Variants in PPP2R3A observed in about 807,000 individuals in gnomAD.
The protein encoded by PPP2R3A is serine/threonine-protein phosphatase 2A regulatory subunit B'' subunit alpha.
PPP2R3A carries 80 observed loss-of-function variants against 106.9 expected under a neutral mutation model. The ratio of observed to expected loss-of-function variants is 0.75; its 90% CI spans 0.62 to 0.90. PPP2R3A has a LOEUF of 0.90. Ranked by LOEUF, PPP2R3A falls within the 40% of genes least tolerant of loss-of-function variation. The pLI, the probability that PPP2R3A is intolerant of heterozygous loss-of-function variation, is 0.00. For missense variants in PPP2R3A, 1,386 were observed against 1,350.4 expected (o/e 1.03, Z -0.41); for synonymous variants, 483 against 468.3 (o/e 1.03, Z -0.41).
At chr3:136,025,749 C>T (rs1195146713) in intron 2 of PPP2R3A, among the ~76,000 whole-genome samples, 1 of 151,940 alleles carries the variant, frequency 6.6e-6, no homozygotes, top group East Asian at 1.9e-4. Context: ...TTCATAATAC[C>T]TATACAATGT....
chr3:136,047,495 A>G (rs58503058), intron 4 of PPP2R3A, among the ~76,000 whole-genome samples: 1,562 of 152,338 alleles, frequency 0.01, 25 homozygotes, highest in African/African-American at 0.037. Context: ...CTTTGTAGCA[A>G]CATGGATGCA....
intron 1 of PPP2R3A, among the ~76,000 whole-genome samples, chr3:135,981,549 G>T (rs552113907): frequency 1.3e-5 from 2 of 151,824 alleles, no homozygotes; most frequent in Non-Finnish European, 2.9e-5. Flanking sequence ...TTAGCAATTT[G>T]CCTTCCTCCT....
chr3:136,015,456 TG>T (rs1934236283), intron 2 of PPP2R3A, among the ~76,000 whole-genome samples: 1 of 152,058 alleles, frequency 6.6e-6, no homozygotes, highest in African/African-American at 2.4e-5. Context: ...GACTTTTTTT[TG>T]TTGGCAATTT....
At chr3:136,085,212 G>A (rs892148323) in intron 8 of PPP2R3A, among the ~76,000 whole-genome samples, 1 of 152,062 alleles carries the variant, frequency 6.6e-6, no homozygotes, top group African/African-American at 2.4e-5. Flanking sequence ...TTGAGTCATG[G>A]GGGCGGGTCT....
intron 5 of PPP2R3A, among the ~76,000 whole-genome samples, chr3:136,054,996 A>T (rs1935813518): frequency 6.6e-6 from 1 of 152,224 alleles, no homozygotes; most frequent in Admixed American, 6.5e-5. Context: ...AAAGCAGAAA[A>T]CACTGATTTA....
intron 3 of PPP2R3A, among the ~76,000 whole-genome samples, chr3:136,039,789 GAGAA>G (rs762995062): frequency 2.0e-5 from 3 of 152,128 alleles, no homozygotes; most frequent in Admixed American, 1.3e-4. Flanking sequence ...TTACTCTCAT[GAGAA>G]AGAGAGTTCT....
At chr3:136,058,300 T>C (rs1935947858) in intron 5 of PPP2R3A, among the ~76,000 whole-genome samples, 1 of 152,186 alleles carries the variant, frequency 6.6e-6, no homozygotes, top group Non-Finnish European at 1.5e-5. Context: ...CTTCTTAAGC[T>C]GATAAACAAC....
intron 5 of PPP2R3A, among the ~76,000 whole-genome samples, chr3:136,049,648 C>G (rs533806076): frequency 1.3e-5 from 2 of 152,316 alleles, no homozygotes; most frequent in East Asian, 3.9e-4. Flanking sequence ...CATCCTCCCC[C>G]TTGCCCACCC....
intron 13 of PPP2R3A, among the ~76,000 whole-genome samples, chr3:136,109,000 G>A (rs1226334356): frequency 1.3e-5 from 2 of 152,028 alleles, no homozygotes; most frequent in South Asian, 2.1e-4. Flanking sequence ...ATAAAAAGCC[G>A]GAAATGAGCA....
intron 5 of PPP2R3A, chr3:136,055,050 T>A (rs1175547399): frequency 6.4e-6 from 2 of 313,686 alleles, no homozygotes; most frequent in Non-Finnish European, 1.2e-5. Context: ...TAAAAGTTAA[T>A]GTTTATAAAC....
intron 10 of PPP2R3A, among the ~76,000 whole-genome samples, chr3:136,095,633 G>A (rs576529839): frequency 2.8e-4 from 43 of 152,282 alleles, no homozygotes; most frequent in Admixed American, 2.8e-3. Flanking sequence ...CAAGTAGGCT[G>A]TAGACTCCCT....
At chr3:136,103,937 G>C (rs1365817513) in intron 12 of PPP2R3A, among the ~76,000 whole-genome samples, 1 of 152,116 alleles carries the variant, frequency 6.6e-6, no homozygotes, top group Non-Finnish European at 1.5e-5. Context: ...CAAACCTGTG[G>C]ACCCTCAGAA....
chr3:136,024,341 A>G (rs1934575213), intron 2 of PPP2R3A, among the ~76,000 whole-genome samples: 1 of 152,146 alleles, frequency 6.6e-6, no homozygotes, highest in African/African-American at 2.4e-5. Context: ...GTAGAACTCA[A>G]TAGAAAGTAA....
At chr3:136,070,630 G>T in intron 6 of PPP2R3A, 78 bp downstream of exon 6, 1 of 1,221,568 alleles carries the variant, frequency 8.2e-7, no homozygotes, top group South Asian at 1.5e-5. Context: ...AGAATTTCAA[G>T]TATCTATGCA....
At chr3:136,004,989 A>G (rs867871634) in intron 2 of PPP2R3A, among the ~76,000 whole-genome samples, 41 of 152,288 alleles carry the variant, frequency 2.7e-4, no homozygotes, top group Middle Eastern at 6.8e-3. Context: ...GAGCAGGGGA[A>G]CAAATGCATA....
intron 2 of PPP2R3A, among the ~76,000 whole-genome samples, chr3:136,021,768 A>G (rs998392955): frequency 3.9e-5 from 6 of 152,124 alleles, no homozygotes; most frequent in African/African-American, 1.2e-4. Flanking sequence ...ATATTTGGGG[A>G]AAAAAGTATG....
chr3:136,005,458 A>C (rs1238047053), intron 2 of PPP2R3A, among the ~76,000 whole-genome samples: 1 of 152,328 alleles, frequency 6.6e-6, no homozygotes, highest in African/African-American at 2.4e-5. Context: ...AAGGTTACTA[A>C]GTGATTATTT....
chr3:136,082,554 A>T, intron 8 of PPP2R3A, 133 bp downstream of exon 8: 1 of 911,348 alleles, frequency 1.1e-6, no homozygotes, highest in Non-Finnish European at 1.7e-6. Context: ...AATAATTTTT[A>T]AGAGGGGATG....
At chr3:136,019,045 T>C (rs939888452) in intron 2 of PPP2R3A, among the ~76,000 whole-genome samples, 11 of 152,226 alleles carry the variant, frequency 7.2e-5, no homozygotes, top group Non-Finnish European at 1.6e-4. Flanking sequence ...AGCTCTCTTA[T>C]CGTTGTCATC....
Sources: gnomAD v4.1 joint callset for allele counts (sites outside exome capture counted in the v4.1 genomes callset) on GRCh38, gnomAD v4.1.1 for gene constraint, MANE v1.5 for transcripts, NCBI Gene and HGNC (gene_info 2026-07-23, HGNC 2026-07-21) for gene names.